The following PCDHA12 variants were observed in gnomAD, a reference collection of about 807,000 sequenced individuals.
PCDHA12 encodes the protein protocadherin alpha 12, also known as protocadherin alpha-12.
In PCDHA12, 44 loss-of-function variants were observed where a neutral mutation model predicts 60.0. The observed-to-expected ratio is 0.73, with a 90% CI of 0.58 to 0.94. The LOEUF is 0.94. Among genes scored for constraint, PCDHA12 ranks in the 40% least tolerant of loss-of-function variants. The pLI is 0.00. For missense variants in PCDHA12, 1,276 were observed against 1,239.7 expected (o/e 1.03, Z -0.44); for synonymous variants, 569 against 553.0 (o/e 1.03, Z -0.40).
chr5:140,882,660 C>G lies in PCDHA12; in HGVS notation c.2367+4821C>G, dbSNP rs147326638. Reference sequence around the variant, plus strand: ...GTGAGGGACATTAACGACAACCCGCCCATATTCCCTGAAAGCAAGAAACGA... The same window carrying G: ...GTGAGGGACATTAACGACAACCCGCGCATATTCCCTGAAAGCAAGAAACGA... On this transcript the variant is annotated intron_variant, in intron 1 of 3. Coordinates refer to ENST00000398631, the MANE Select transcript of PCDHA12 (RefSeq NM_018903.4). 14 of 1,614,090 alleles carry G rather than the reference C, an allele frequency of 8.7e-6. No individual in the cohort carries two copies. Among genetic ancestry groups the G allele is most frequent in the African/African-American group, 1.3e-5 (1 of 74,928 alleles).
In PCDHA12 at chr5:140,926,166, C is replaced by G. The variant is rs116217295; in HGVS notation, c.2367+48327C>G. 1.9e-3 allele frequency among the ~76,000 whole-genome samples: 292 copies of G among 151,864 alleles called. 1 individual carries two copies. The highest frequency in any genetic ancestry group is 6.7e-3 in the African/African-American group (280 of 41,552). ...AGCGCGGAAAGCTCTGCAGCAGGAT[C>G]CAGCGCGGAAAGCCCCCCGCAGCAC... On this transcript the variant is annotated intron_variant, in intron 1 of 3. Coordinates refer to ENST00000398631, the MANE Select transcript of PCDHA12 (RefSeq NM_018903.4).
chr5:140,918,334 A>G (rs1419491986), intron 1 of PCDHA12, among the ~76,000 whole-genome samples: 1 of 152,144 alleles, frequency 6.6e-6, no homozygotes, highest in Non-Finnish European at 1.5e-5. Context: ...ATTGTCTGCT[A>G]AGAGAGATAG....
chr5:140,965,173 G>A (rs1257436786), intron 1 of PCDHA12, among the ~76,000 whole-genome samples: 1 of 152,218 alleles, frequency 6.6e-6, no homozygotes, highest in African/African-American at 2.4e-5. Flanking sequence ...TTTAGTGAGT[G>A]CTTTTTTTGC....
chr5:140,927,299 T>C, intron 1 of PCDHA12: 4 of 1,614,086 alleles, frequency 2.5e-6, no homozygotes, highest in Middle Eastern at 1.6e-4. Context: ...ATCCCCGAGT[T>C]CCTGACGCCC....
intron 1 of PCDHA12, among the ~76,000 whole-genome samples, chr5:140,945,282 T>C (rs1554216856): frequency 6.6e-6 from 1 of 152,062 alleles, no homozygotes; most frequent in African/African-American, 2.4e-5. Context: ...TTTAAAACAT[T>C]GATGAAAGAA....
rs782589579 is a variant in PCDHA12 at position 140,876,926 on chromosome 5, A to C, written c.1454A>C (p.Gln485Pro). Residue 485 changes from glutamine to proline, a missense_variant, in exon 1 of 4, where the codon CAG becomes CCG. Physicochemically the swap from Gln to Pro is moderately conservative, Grantham distance 76. Transcript: ENST00000398631. ...GTGTCGGCATGGGACGCGGACGCGC[A>C]GAAGAACGCGCTGGTGTCCTACTCG... The part of the protein sequence containing the change: ...FTVSAWDADA[Q>P]KNALVSYSLV... 6.2e-7 allele frequency: 1 copy of C among 1,613,842 alleles called. No homozygotes were observed. Among genetic ancestry groups the C allele is most frequent in the East Asian group, 2.2e-5 (1 of 44,880 alleles).
intron 1 of PCDHA12, among the ~76,000 whole-genome samples, chr5:140,960,361 T>C (rs1262686301): frequency 2.6e-5 from 4 of 152,194 alleles, no homozygotes; most frequent in Non-Finnish European, 4.4e-5. Context: ...TGAAATAATA[T>C]GCCAACTCTT....
intron 1 of PCDHA12, among the ~76,000 whole-genome samples, chr5:140,960,541 C>G (rs1200507322): frequency 6.6e-6 from 1 of 151,924 alleles, no homozygotes; most frequent in African/African-American, 2.4e-5. Context: ...GAAACTGTGG[C>G]CTTCATATAG....
rs79831933 is a variant in PCDHA12, at chr5:140,933,507, A to G, written c.2368-45442A>G. ...TATTCTTTAGAATTGTTAAGCAAAG[A>G]CTACAGCTGTTTTGTTTAAACTCAA... On this transcript the variant is annotated intron_variant, in intron 1 of 3. Transcript: ENST00000398631. 5.9e-3 allele frequency among the ~76,000 whole-genome samples: 898 copies of G among 152,170 alleles called. 13 individuals carry two copies. Among genetic ancestry groups the G allele is most frequent in the African/African-American group, 0.02 (841 of 41,572 alleles).
intron 1 of PCDHA12, among the ~76,000 whole-genome samples, chr5:140,905,589 G>T (rs1336272963): frequency 4.6e-5 from 7 of 152,084 alleles, no homozygotes; most frequent in African/African-American, 1.7e-4. Context: ...ATGATATTTT[G>T]CTGGGAATTG....
intron 1 of PCDHA12, chr5:140,968,939 A>G: frequency 6.2e-7 from 1 of 1,614,164 alleles, no homozygotes; most frequent in South Asian, 1.1e-5. Flanking sequence ...GACAATCATC[A>G]TTTTGAGCAT....
chr5:140,900,534 T>C (rs1583392378), intron 1 of PCDHA12, among the ~76,000 whole-genome samples: 1 of 152,202 alleles, frequency 6.6e-6, no homozygotes, highest in Admixed American at 6.5e-5. Context: ...ACCTCGGCTT[T>C]CCAAAGTGCT....
rs1165097192 is a variant in PCDHA12, at chr5:140,945,230, A to G, written c.2368-33719A>G. Among the ~76,000 whole-genome samples the G allele has an allele frequency of 2.6e-5, 4 of 152,290 alleles. No individual in the cohort carries two copies. In the East Asian group the frequency reaches 7.7e-4, roughly 29 times the overall value. On this transcript the variant is annotated intron_variant, in intron 1 of 3. Transcript: ENST00000398631. ...TATGAGAAAATAAAAATACTTAGGA[A>G]TAAATTTAACCAAGAGGATGAAAGA...
intron 1 of PCDHA12, among the ~76,000 whole-genome samples, chr5:140,937,039 CTTTT>C (rs34994034): frequency 1.4e-5 from 2 of 140,156 alleles, no homozygotes; most frequent in African/African-American, 2.6e-5. Flanking sequence ...TTCCATTTAT[CTTTT>C]TTTTTTTTTT....
In PCDHA12 at chr5:140,877,126, C is replaced by G. The variant is rs781947378; in HGVS notation, c.1654C>G (p.Gln552Glu). 10 of 1,613,632 alleles carry G rather than the reference C, an allele frequency of 6.2e-6. No homozygotes were observed. The African/African-American group carries it at 1.3e-4, about 22-fold the overall frequency. Residue 552 changes from glutamine (Q) to glutamate (E), a missense_variant, in exon 1 of 4, where the codon CAG becomes GAG. Transcript: ENST00000398631. ...VPPLGSNVTL[Q>E]VFVLDENDNA... ...GCCTCTGGGCAGCAACGTGACGCTG[C>G]AGGTGTTCGTGCTGGACGAGAACGA... is the stretch of plus-strand genomic sequence containing the variant.
chr5:141,000,375 C>G (rs1253953172), intron 3 of PCDHA12, among the ~76,000 whole-genome samples: 8 of 57,690 alleles, frequency 1.4e-4, no homozygotes, highest in Non-Finnish European at 1.9e-4. Context: ...CTCTCTCTCT[C>G]TCTCTCTCTC....
intron 1 of PCDHA12, chr5:140,929,369 G>A: frequency 6.6e-7 from 1 of 1,515,248 alleles, no homozygotes; most frequent in Admixed American, 2.2e-5. Context: ...CCCGGAGATG[G>A]CTGCTAGCTG....
chr5:140,900,420 GGC>G lies in PCDHA12; in HGVS notation c.2367+22582_2367+22583del, dbSNP rs1554189140. ...AGCCTCCCAAGTAGCTGGGATTATA[GGC>G]ACGTGCCACCACGGCCGGCTAATTT... On this transcript the variant is annotated intron_variant, in intron 1 of 3. Transcript: ENST00000398631. Among the ~76,000 whole-genome samples the G allele has an allele frequency of 7.9e-5, 12 of 152,256 alleles. No individual in the cohort carries two copies. The East Asian group carries it at 2.3e-3, about 30-fold the overall frequency.
intron 1 of PCDHA12, chr5:140,884,339 G>A (rs1178682525): frequency 6.2e-7 from 1 of 1,613,788 alleles, no homozygotes; most frequent in Non-Finnish European, 8.5e-7. Context: ...GGGTCCAGAA[G>A]CGGCGCTGGT....
Sources: gnomAD v4.1 joint callset for allele counts (sites outside exome capture counted in the v4.1 genomes callset) on GRCh38, gnomAD v4.1.1 for gene constraint, MANE v1.5 for transcripts, NCBI Gene and HGNC (gene_info 2026-07-23, HGNC 2026-07-21) for gene names.